Variants in PLCB4 observed in about 807,000 individuals in gnomAD.
The protein encoded by PLCB4 is phospholipase C beta 4.
Under a neutral mutation model 178.8 loss-of-function variants are expected in PLCB4, and 77 were observed. The observed-to-expected ratio is 0.43, with a 90% confidence interval of 0.36 to 0.52. The LOEUF (loss-of-function observed/expected upper bound fraction) is 0.52, where lower values mean the gene tolerates loss of function less well. Among genes scored for constraint, PLCB4 ranks in the 20% least tolerant of loss-of-function variants. The pLI, the probability that PLCB4 is intolerant of heterozygous loss-of-function variation, is 0.00. For missense variants in PLCB4, 1,024 were observed against 1,453.4 expected, an observed-to-expected ratio of 0.70 and a Z score of 4.80; for synonymous variants, 496 against 490.8, an observed-to-expected ratio of 1.01 and a Z score of -0.14.
intron 2 of PLCB4, among the ~76,000 whole-genome samples, chr20:9,099,857 G>A (rs2091073105): frequency 6.6e-6 from 1 of 152,140 alleles, no homozygotes; most frequent in African/African-American, 2.4e-5. Context: ...CAAGCGGCAG[G>A]GGTCCATGTG....
chr20:9,246,681 CATG>C (rs2094129823), intron 3 of PLCB4, among the ~76,000 whole-genome samples: 1 of 151,918 alleles, frequency 6.6e-6, no homozygotes, highest in South Asian at 2.1e-4. Context: ...CTATCTGCTG[CATG>C]ATGAGTGAAT....
chr20:9,192,772 G>A lies in PLCB4; in HGVS notation c.-78-24618G>A, dbSNP rs370473470. Among the ~76,000 whole-genome samples the A allele has an allele frequency of 3.3e-5, 5 of 151,652 alleles. No individual in the cohort carries two copies. In the East Asian group the frequency reaches 6.0e-4, roughly 18 times the overall value. ...TGAGGCTACAGTGAACTGCACTCCAGTCTGAGTGACATAGCAGGACCCTAT... is the reference window on the plus strand; with the variant it reads ...TGAGGCTACAGTGAACTGCACTCCAATCTGAGTGACATAGCAGGACCCTAT... On this transcript the variant is annotated intron_variant, in intron 2 of 39. Coordinates refer to ENST00000378473, the MANE Select transcript of PLCB4 (RefSeq NM_001377142.1).
At chr20:9,116,163 G>A (rs2091772460) in intron 2 of PLCB4, among the ~76,000 whole-genome samples, 1 of 151,850 alleles carries the variant, frequency 6.6e-6, no homozygotes, top group Non-Finnish European at 1.5e-5. Flanking sequence ...GTGTGTGTGT[G>A]TATGGCTTCA....
rs536443567 is a variant in PLCB4, at chr20:9,480,708, T to C, written c.*1699T>C. ...TGTAAAATATCTCTTGTTCTTAGTT[T>C]CCTTATCTGTAAAACAGTGGAGTTA... On this transcript the variant is annotated 3_prime_UTR_variant, in exon 40 of 40. Transcript: ENST00000378473. 1 of 152,324 alleles carries C rather than the reference T, an allele frequency of 6.6e-6. No individual in the cohort carries two copies. Among genetic ancestry groups the C allele is most frequent in the East Asian group, 1.9e-4 (1 of 5,192 alleles). 9.4% of individuals were successfully genotyped at this position (152,324 alleles called of 1,614,324 possible).
intron 4 of PLCB4, 78 bp from the exon 5 acceptor site, chr20:9,337,048 G>A (rs912257818): frequency 2.3e-6 from 2 of 880,592 alleles, no homozygotes; most frequent in Non-Finnish European, 3.9e-6. Flanking sequence ...AATTTGTTTA[G>A]AAGCTCAGCA....
chr20:9,243,103 G>A (rs2094084434), intron 3 of PLCB4, among the ~76,000 whole-genome samples: 1 of 152,148 alleles, frequency 6.6e-6, no homozygotes, highest in Admixed American at 6.5e-5. Context: ...ATTATTTGTT[G>A]TTGATCTGAG....
intron 7 of PLCB4, among the ~76,000 whole-genome samples, chr20:9,354,128 T>C (rs906932612): frequency 9.9e-5 from 15 of 152,196 alleles, no homozygotes; most frequent in Non-Finnish European, 2.2e-4. Context: ...CCAACCTCCC[T>C]GCAGCTGCCT....
chr20:9,200,968 G>A (rs1424581105), intron 2 of PLCB4, among the ~76,000 whole-genome samples: 1 of 152,148 alleles, frequency 6.6e-6, no homozygotes, highest in Non-Finnish European at 1.5e-5. Flanking sequence ...GAATAGATAA[G>A]GAATGCATAA....
chr20:9,453,230 T>C, intron 32 of PLCB4, 117 bp from the exon 33 acceptor site: 1 of 645,286 alleles, frequency 1.5e-6, no homozygotes, highest in Non-Finnish European at 2.7e-6. Flanking sequence ...TCAGATTTGG[T>C]TATTCCTTGA....
At chr20:9,120,019 T>G (rs1338311619) in intron 2 of PLCB4, among the ~76,000 whole-genome samples, 1 of 152,174 alleles carries the variant, frequency 6.6e-6, no homozygotes, top group Non-Finnish European at 1.5e-5. Context: ...GCAGTTCCCC[T>G]TTCTTTCAGC....
intron 35 of PLCB4, among the ~76,000 whole-genome samples, chr20:9,463,312 A>G (rs1243438637): frequency 6.6e-6 from 1 of 152,220 alleles, no homozygotes; most frequent in Non-Finnish European, 1.5e-5. Flanking sequence ...CTGCAAAAAC[A>G]TGCCAAATTG....
intron 4 of PLCB4, among the ~76,000 whole-genome samples, chr20:9,330,191 A>G (rs2031421490): frequency 6.6e-6 from 1 of 152,146 alleles, no homozygotes; most frequent in Admixed American, 6.5e-5. Context: ...ATTCCAAACC[A>G]GACTCCACCT....
At chr20:9,116,534 A>G (rs2091784642) in intron 2 of PLCB4, among the ~76,000 whole-genome samples, 1 of 152,162 alleles carries the variant, frequency 6.6e-6, no homozygotes, top group South Asian at 2.1e-4. Flanking sequence ...GAGGCAAGCA[A>G]GGTGCGCTGG....
At chr20:9,175,726 G>A (rs2093143784) in intron 2 of PLCB4, among the ~76,000 whole-genome samples, 1 of 152,028 alleles carries the variant, frequency 6.6e-6, no homozygotes. Flanking sequence ...CCCCTCATCT[G>A]CCTCCTGCAG....
At chr20:9,207,494 C>A (rs192494639) in intron 2 of PLCB4, among the ~76,000 whole-genome samples, 2 of 152,228 alleles carry the variant, frequency 1.3e-5, no homozygotes, top group Non-Finnish European at 2.9e-5. Context: ...GTACTCCCCA[C>A]CCCAGCTCTA....
In PLCB4 at chr20:9,123,440, A is replaced by G. The variant is rs1168017547; in HGVS notation, c.-79+27098A>G. 6.3e-5 allele frequency among the ~76,000 whole-genome samples: 9 copies of G among 142,728 alleles called. No individual in the cohort carries two copies. In the East Asian group the frequency reaches 8.3e-4, roughly 13 times the overall value. The allele number at this position is 142,728 out of a possible 152,430, so 93.6% of individuals were successfully genotyped here. A position where few individuals can be genotyped will look rare whatever the true frequency, so the allele number is the denominator to read the frequency against. On this transcript the variant is annotated intron_variant, in intron 2 of 39. Coordinates refer to ENST00000378473, the MANE Select transcript of PLCB4 (RefSeq NM_001377142.1). ...CTCCTCTTTTTTTTTTTTTATATAT[A>G]TTTCAGCTATTTAATTTTATCATGT... is the stretch of plus-strand genomic sequence containing the variant.
intron 29 of PLCB4, among the ~76,000 whole-genome samples, chr20:9,436,535 G>T (rs765993004): frequency 1.3e-5 from 2 of 151,778 alleles, no homozygotes; most frequent in Non-Finnish European, 2.9e-5. Context: ...TACTTTTTTT[G>T]TCAAGACAGG....
At chr20:9,295,574 A>G (rs1007291216) in intron 3 of PLCB4, among the ~76,000 whole-genome samples, 1 of 152,196 alleles carries the variant, frequency 6.6e-6, no homozygotes, top group African/African-American at 2.4e-5. Flanking sequence ...GGCATAAAAG[A>G]TAAGAAACAA....
At chr20:9,190,369 CT>C (rs2093386349) in intron 2 of PLCB4, among the ~76,000 whole-genome samples, 1 of 152,270 alleles carries the variant, frequency 6.6e-6, no homozygotes, top group South Asian at 2.1e-4. Context: ...ATAAGGTGCT[CT>C]TGTGCCTTCC....
Sources: allele counts gnomAD v4.1 joint callset (sites outside exome capture counted in the v4.1 genomes callset), GRCh38; gene constraint gnomAD v4.1.1; transcripts MANE v1.5; gene names NCBI Gene and HGNC (gene_info 2026-07-23, HGNC 2026-07-21).